Variants in CAND1 observed in about 807,000 individuals in gnomAD.
CAND1 encodes cullin associated and neddylation dissociated 1.
CAND1 carries 7 observed loss-of-function variants against 108.5 expected under a neutral mutation model. That is an observed-to-expected ratio of 0.06 (90% CI 0.04 to 0.12). The LOEUF (loss-of-function observed/expected upper bound fraction) is 0.12, where lower values mean the gene tolerates loss of function less well. Ranked by LOEUF, CAND1 falls within the 10% of genes least tolerant of loss-of-function variation. CAND1 has a pLI of 1.00. For missense variants in CAND1, 941 were observed against 1,448.7 expected (o/e 0.65, Z 5.69); for synonymous variants, 534 against 512.0 (o/e 1.04, Z -0.58).
intron 2 of CAND1, among the ~76,000 whole-genome samples, chr12:67,290,504 T>G (rs2044712706): frequency 6.6e-6 from 1 of 151,352 alleles, no homozygotes; most frequent in Non-Finnish European, 1.5e-5. Flanking sequence ...AGCAAGACAG[T>G]GTCTCAAAAA....
chr12:67,290,038 T>G (rs2136002784), intron 2 of CAND1, among the ~76,000 whole-genome samples: 1 of 152,310 alleles, frequency 6.6e-6, no homozygotes, highest in Non-Finnish European at 1.5e-5. Context: ...ACATTAAGAG[T>G]TCTCTGTAAT....
intron 1 of CAND1, among the ~76,000 whole-genome samples, chr12:67,271,899 C>T (rs984405384): frequency 2.6e-5 from 4 of 152,152 alleles, no homozygotes; most frequent in Non-Finnish European, 5.9e-5. Context: ...GGAACTAAAG[C>T]ACTTTATATG....
Position 67,302,442 on chromosome 12 carries a change from A to G in CAND1, c.1120A>G (p.Thr374Ala), listed in dbSNP as rs185148102. ...RHEMLPEFYK[T>A]VSPALISRFK... is the part of the protein sequence containing the mutation. ...TGAAATGCTTCCAGAATTCTACAAG[A>G]CCGTCTCTCCTGCACTAATATCCAG... is the stretch of plus-strand genomic sequence containing the variant. The change falls in exon 8 of 15, where the codon ACC becomes GCC. Residue 374 changes from threonine (T) to alanine (A), a missense_variant. Physicochemically the swap from Thr to Ala is moderately conservative, Grantham distance 58 (BLOSUM62 0). Transcript: ENST00000545606. 1 of 1,614,074 alleles carries G rather than the reference A, an allele frequency of 6.2e-7. No individual in the cohort carries two copies. The highest frequency in any genetic ancestry group is 8.5e-7 in the Non-Finnish European group (1 of 1,179,992).
chr12:67,304,350 G>C (rs929292027), intron 8 of CAND1, among the ~76,000 whole-genome samples: 1 of 152,112 alleles, frequency 6.6e-6, no homozygotes, highest in Non-Finnish European at 1.5e-5. Context: ...AGACTATTTT[G>C]TTGCTCTCTG....
intron 2 of CAND1, among the ~76,000 whole-genome samples, chr12:67,290,311 G>A (rs764109594): frequency 6.6e-6 from 1 of 152,104 alleles, no homozygotes; most frequent in Non-Finnish European, 1.5e-5. Flanking sequence ...AGGAGTTCGA[G>A]ACCAGCCTAG....
At chr12:67,286,931 T>C (rs2044677248) in intron 2 of CAND1, among the ~76,000 whole-genome samples, 1 of 152,214 alleles carries the variant, frequency 6.6e-6, no homozygotes, top group Non-Finnish European at 1.5e-5. Flanking sequence ...TCTGAATTAC[T>C]TTGGCATCTT....
chr12:67,288,464 T>C (rs1209482125), intron 2 of CAND1, among the ~76,000 whole-genome samples: 1 of 152,194 alleles, frequency 6.6e-6, no homozygotes, highest in African/African-American at 2.4e-5. Flanking sequence ...ATCTGTTGAC[T>C]GTTGAGAAGG....
chr12:67,312,862 G>A lies in CAND1; in HGVS notation c.*32G>A, dbSNP rs747079003. ...GTTCACCATGGGGACCATTACATAT[G>A]ACCATACAATGCACTGAATTGACAG... On this transcript the variant is annotated 3_prime_UTR_variant, in exon 15 of 15. Transcript: ENST00000545606. The A allele has an allele frequency of 7.3e-7, 1 of 1,363,368 alleles. No homozygotes were observed. The allele number at this position is 1,363,368 out of a possible 1,614,324, so 84.5% of individuals were successfully genotyped here. A position where few individuals can be genotyped will look rare whatever the true frequency, so the allele number is the denominator to read the frequency against.
At position 67,317,862 on chromosome 12, in the gene CAND1, T is replaced by G. The variant is rs1037153123; in HGVS notation, c.*5032T>G. On this transcript the variant is annotated 3_prime_UTR_variant, in exon 15 of 15. Transcript: ENST00000545606. ...ATCCAACCACCTGCTATACATCTCA[T>G]AAAGGTATCTCAAACACAGCATATC... The G allele has an allele frequency of 1.3e-5, 2 of 152,308 alleles. No homozygotes were observed. The highest frequency in any genetic ancestry group is 4.8e-5 in the African/African-American group (2 of 41,468). The allele number at this position is 152,308 out of a possible 1,614,324, so 9.4% of individuals were successfully genotyped here. A position where few individuals can be genotyped will look rare whatever the true frequency, so the allele number is the denominator to read the frequency against.
rs760515679 is a variant in CAND1 at position 67,309,953 on chromosome 12, C to T, written c.3078C>T (p.Ala1026=). 1 of 1,612,254 alleles carries T rather than the reference C, an allele frequency of 6.2e-7. No homozygotes were observed. ...CAGATTTGAATGTGAGAAGAGTAGCCTTGGTCACATTTAATTCAGCAGCAC... is the reference window on the plus strand; with the variant it reads ...CAGATTTGAATGTGAGAAGAGTAGCTTTGGTCACATTTAATTCAGCAGCAC... ...EDPDLNVRRV[A]LVTFNSAAHN... is the part of the protein sequence containing the mutation. Residue 1026 remains alanine (A), a synonymous_variant, in exon 12 of 15, where the codon GCC becomes GCT. Transcript: ENST00000545606.
chr12:67,299,008 C>A lies in CAND1; in HGVS notation c.913C>A (p.Leu305Ile). ...CATTATAAATATTTGTCTTAAATATCTTACCTATGATCCAAATTATAATTA... is the reference window on the plus strand; with the variant it reads ...CATTATAAATATTTGTCTTAAATATATTACCTATGATCCAAATTATAATTA... ...STIINICLKY[L>I]TYDPNYNYDD... is the part of the protein sequence containing the mutation. The change falls in exon 7 of 15, where the codon CTT becomes ATT. Residue 305 changes from leucine to isoleucine, a missense_variant. Physicochemically the swap from Leu to Ile is conservative, Grantham distance 5. Around this residue, in one of 9 missense-constraint regions of CAND1, gnomAD observed 697 missense variants for 942.0 expected, o/e 0.74. Transcript: ENST00000545606. 1 of 1,509,442 alleles carries A rather than the reference C, an allele frequency of 6.6e-7. No homozygotes were observed. Among genetic ancestry groups the A allele is most frequent in the South Asian group, 1.1e-5 (1 of 88,422 alleles). The allele number at this position is 1,509,442 out of a possible 1,614,324, so 93.5% of individuals were successfully genotyped here. A position where few individuals can be genotyped will look rare whatever the true frequency, so the allele number is the denominator to read the frequency against.
intron 1 of CAND1, among the ~76,000 whole-genome samples, chr12:67,273,177 C>T (rs1708215660): frequency 6.6e-6 from 1 of 152,168 alleles, no homozygotes. Flanking sequence ...AATGAAGAAA[C>T]ATTCCTTGGG....
At chr12:67,286,546 C>G (rs2135999580) in intron 2 of CAND1, among the ~76,000 whole-genome samples, 1 of 137,098 alleles carries the variant, frequency 7.3e-6, no homozygotes, top group East Asian at 2.0e-4. Context: ...AGAACTGTTT[C>G]CTGTGTTTTT....
At position 67,292,749 on chromosome 12, in the gene CAND1, A is replaced by G; in HGVS notation, c.340A>G (p.Ile114Val). 6.2e-7 allele frequency: 1 copy of G among 1,613,770 alleles called. No homozygotes were observed. Among genetic ancestry groups the G allele is most frequent in the Non-Finnish European group, 8.5e-7 (1 of 1,179,902 alleles). The change falls in exon 3 of 15, where the codon ATT becomes GTT. Residue 114 changes from isoleucine to valine, a missense_variant. By Grantham distance (29) the Ile-to-Val change is conservative. Around this residue, in one of 9 missense-constraint regions of CAND1, gnomAD observed 697 missense variants for 942.0 expected, o/e 0.74. Transcript: ENST00000545606. ...DISSIGLKTVIGELPPASSGS... is the reference protein window; with the variant it reads ...DISSIGLKTVVGELPPASSGS... The stretch of plus-strand genomic sequence containing the variant: ...TTCAAGTATTGGTCTTAAAACAGTA[A>G]TTGGAGAACTTCCTCCAGCTTCCAG...
chr12:67,301,038 A>C (rs940089353), intron 7 of CAND1, among the ~76,000 whole-genome samples: 1 of 152,082 alleles, frequency 6.6e-6, no homozygotes, highest in Non-Finnish European at 1.5e-5. Context: ...AATTTTTTAT[A>C]ATCTTGTTTT....
chr12:67,299,700 T>C (rs983383130), intron 7 of CAND1, among the ~76,000 whole-genome samples: 2 of 152,132 alleles, frequency 1.3e-5, no homozygotes. Context: ...AATCACACGA[T>C]GATTTATGAT....
chr12:67,271,874 A>C (rs189089485), intron 1 of CAND1, among the ~76,000 whole-genome samples: 2 of 152,362 alleles, frequency 1.3e-5, no homozygotes, highest in African/African-American at 4.8e-5. Context: ...CCATCTAGTT[A>C]ATAAACAAGT....
intron 2 of CAND1, among the ~76,000 whole-genome samples, chr12:67,287,293 C>T (rs886370681): frequency 6.6e-6 from 1 of 152,188 alleles, no homozygotes; most frequent in African/African-American, 2.4e-5. Flanking sequence ...TAGCTTCATT[C>T]TTCCTTTCTC....
chr12:67,269,920 C>T, intron 1 of CAND1, 135 bp downstream of exon 1: 4 of 649,598 alleles, frequency 6.2e-6, no homozygotes, highest in Non-Finnish European at 7.9e-6. Flanking sequence ...CCCACCGGTC[C>T]GCTGGCCTCC....
Sources: allele counts gnomAD v4.1 joint callset (sites outside exome capture counted in the v4.1 genomes callset), GRCh38; gene constraint gnomAD v4.1.1; regional missense constraint gnomAD v4.1.1; transcripts MANE v1.5; gene names NCBI Gene and HGNC (gene_info 2026-07-23, HGNC 2026-07-21).